PCDH15: variants seen among roughly 807,000 people sequenced by gnomAD.
PCDH15 encodes the protein protocadherin related 15.
A neutral mutation model predicts 178.5 loss-of-function variants in PCDH15; 129 were observed. That is an observed-to-expected ratio of 0.72 (90% CI 0.63 to 0.84). PCDH15 has a LOEUF of 0.84. Ranked by LOEUF, PCDH15 falls within the 40% of genes least tolerant of loss-of-function variation. The pLI, the probability that PCDH15 is intolerant of heterozygous loss-of-function variation, is 0.00. For missense variants in PCDH15, 2,230 were observed against 2,099.9 expected (o/e 1.06, Z -1.21); for synonymous variants, 800 against 732.0 (o/e 1.09, Z -1.50).
chr10:55,509,643 G>C (rs999787648), intron 2 of PCDH15, among the ~76,000 whole-genome samples: 1 of 151,710 alleles, frequency 6.6e-6, no homozygotes, highest in East Asian at 1.9e-4. Flanking sequence ...AACCATCATC[G>C]AAATTAATAT....
chr10:54,482,607 C>T (rs139142609), intron 3 of PCDH15, among the ~76,000 whole-genome samples: 1 of 151,700 alleles, frequency 6.6e-6, no homozygotes, highest in African/African-American at 2.4e-5. Context: ...AAGAAGGTAC[C>T]AGGTACCTTA....
At chr10:54,125,876 T>A (rs927357053) in intron 15 of PCDH15, among the ~76,000 whole-genome samples, 2 of 152,128 alleles carry the variant, frequency 1.3e-5, no homozygotes, top group African/African-American at 4.8e-5. Flanking sequence ...TTGACCCTTT[T>A]TTCTCAATAG....
chr10:55,234,058 A>T (rs1419468713), intron 1 of PCDH15, among the ~76,000 whole-genome samples: 1 of 152,070 alleles, frequency 6.6e-6, no homozygotes, highest in African/African-American at 2.4e-5. Flanking sequence ...GGATGGCTTC[A>T]TCAGTAAGTA....
At chr10:54,541,742 T>C (rs961030326) in intron 2 of PCDH15, among the ~76,000 whole-genome samples, 2 of 152,214 alleles carry the variant, frequency 1.3e-5, no homozygotes, top group Admixed American at 6.5e-5. Context: ...TATTTCCATC[T>C]TGTTTCTGAA....
chr10:55,350,652 G>A (rs1029508295), intron 2 of PCDH15, among the ~76,000 whole-genome samples: 1 of 151,924 alleles, frequency 6.6e-6, no homozygotes, highest in African/African-American at 2.4e-5. Flanking sequence ...AAACAAGCAG[G>A]TGCTGACTTT....
At chr10:54,324,119 A>T (rs1362445440) in intron 7 of PCDH15, among the ~76,000 whole-genome samples, 2 of 152,180 alleles carry the variant, frequency 1.3e-5, no homozygotes, top group African/African-American at 4.8e-5. Context: ...TGGGGTTACA[A>T]TTAACACTAA....
chr10:55,503,524 A>G (rs566993778), intron 2 of PCDH15, among the ~76,000 whole-genome samples: 1 of 151,210 alleles, frequency 6.6e-6, no homozygotes, highest in Admixed American at 6.6e-5. Flanking sequence ...TTTTCATACA[A>G]TCTGAAATGT....
At chr10:55,243,710 TA>T (rs1841613787) in intron 1 of PCDH15, among the ~76,000 whole-genome samples, 1 of 152,202 alleles carries the variant, frequency 6.6e-6, no homozygotes, top group Non-Finnish European at 1.5e-5. Context: ...ATTCTGGCTT[TA>T]AAAGGCTCCC....
chr10:53,847,471 C>T (rs1024113130), intron 28 of PCDH15, among the ~76,000 whole-genome samples: 1 of 151,988 alleles, frequency 6.6e-6, no homozygotes, highest in African/African-American at 2.4e-5. Context: ...AGGGACTCTA[C>T]CCAGACCATA....
intron 26 of PCDH15, among the ~76,000 whole-genome samples, chr10:53,882,611 C>T (rs1185873987): frequency 6.6e-6 from 1 of 152,186 alleles, no homozygotes; most frequent in Non-Finnish European, 1.5e-5. Context: ...GATCTGCCCA[C>T]CTCAGCCTCC....
At chr10:55,599,379 C>T (rs1046395794) in intron 2 of PCDH15, 1 of 152,088 alleles carries the variant, frequency 6.6e-6, no homozygotes, top group Non-Finnish European at 1.5e-5. Flanking sequence ...TAAAGGGGGA[C>T]GGATCTTCAG....
chr10:54,945,419 C>T (rs1044866610), intron 2 of PCDH15, among the ~76,000 whole-genome samples: 1 of 149,802 alleles, frequency 6.7e-6, no homozygotes, highest in African/African-American at 2.4e-5. Context: ...CAGATGACTA[C>T]ACGAGGTCTT....
rs898789713 is a variant in PCDH15 at position 54,574,862 on chromosome 10, G to T, written c.92-46985C>A. On this transcript the variant is annotated intron_variant, in intron 2 of 37. Transcript: ENST00000644397. Reference sequence around the variant, plus strand: ...AGACACATGCACACGTATGTTTATTGCGGCATTATTCACAATAGCAAAGAC... The same window carrying T: ...AGACACATGCACACGTATGTTTATTTCGGCATTATTCACAATAGCAAAGAC... Among the ~76,000 whole-genome samples the T allele has an allele frequency of 1.0e-4, 15 of 142,942 alleles. No individual in the cohort carries two copies. In the Admixed American group the frequency reaches 1.1e-3, roughly 10 times the overall value. The allele number at this position is 142,942 out of a possible 152,430, so 93.8% of individuals were successfully genotyped here.
At chr10:53,849,989 T>G (rs7358121) in intron 28 of PCDH15, among the ~76,000 whole-genome samples, 1 of 151,622 alleles carries the variant, frequency 6.6e-6, no homozygotes, top group Non-Finnish European at 1.5e-5. Context: ...AAAACACTAA[T>G]TATTGTGACT....
rs918739432 is a variant in PCDH15 at position 55,600,572 on chromosome 10, C to T, written c.-156+27053G>A. On this transcript the variant is annotated intron_variant, in intron 2 of 5. Coordinates refer to the PCDH15 transcript ENST00000613346. ...TTACGACCTTGATGTTGGATCGGGA[C>T]ATCCTAAATGGTGTAGCCGCTATTA... Among the ~76,000 whole-genome samples, 6 of 152,208 alleles carry T rather than the reference C, an allele frequency of 3.9e-5. No homozygotes were observed. In the East Asian group the frequency reaches 1.2e-3, roughly 29 times the overall value.
chr10:55,335,809 T>C (rs911303618), intron 2 of PCDH15, among the ~76,000 whole-genome samples: 3 of 152,146 alleles, frequency 2.0e-5, no homozygotes, highest in African/African-American at 7.2e-5. Context: ...AGGGGTAACT[T>C]GTAGTTCCTC....
chr10:54,616,776 T>C (rs2093171362), intron 2 of PCDH15, among the ~76,000 whole-genome samples: 1 of 152,108 alleles, frequency 6.6e-6, no homozygotes, highest in African/African-American at 2.4e-5. Flanking sequence ...CTAGGTGACA[T>C]TAATGTGTCT....
intron 2 of PCDH15, among the ~76,000 whole-genome samples, chr10:55,117,065 C>T (rs1301819644): frequency 1.3e-5 from 2 of 152,078 alleles, no homozygotes; most frequent in Admixed American, 1.3e-4. Flanking sequence ...CACAGTTTTC[C>T]CTGTTTTGGG....
chr10:55,124,834 G>T (rs2132070177), intron 2 of PCDH15, among the ~76,000 whole-genome samples: 1 of 152,110 alleles, frequency 6.6e-6, no homozygotes, highest in Non-Finnish European at 1.5e-5. Context: ...GGCACCAACT[G>T]ACAGGTGTAA....
Sources: allele counts gnomAD v4.1 joint callset (sites outside exome capture counted in the v4.1 genomes callset), GRCh38; gene constraint gnomAD v4.1.1; transcripts MANE v1.5; gene names NCBI Gene and HGNC (gene_info 2026-07-23, HGNC 2026-07-21).